Variants in TENM4 observed in about 807,000 individuals in gnomAD.
TENM4 encodes teneurin-4.
Under a neutral mutation model 243.3 loss-of-function variants are expected in TENM4, and 82 were observed. The observed-to-expected ratio is 0.34, with a 90% confidence interval of 0.28 to 0.40. The LOEUF (loss-of-function observed/expected upper bound fraction) is 0.40. Among genes scored for constraint, TENM4 ranks in the 10% least tolerant of loss-of-function variants. The pLI is 1.00. For missense variants in TENM4, 3,138 were observed against 3,673.3 expected (o/e 0.85, Z 3.77); for synonymous variants, 1,412 against 1,456.3 (o/e 0.97, Z 0.69).
intron 28 of TENM4, among the ~76,000 whole-genome samples, chr11:78,689,699 C>G (rs1006279750): frequency 6.6e-6 from 1 of 152,134 alleles, no homozygotes; most frequent in Non-Finnish European, 1.5e-5. Flanking sequence ...CTCAGGAATT[C>G]TCTGCCCAAG....
intron 17 of TENM4, among the ~76,000 whole-genome samples, chr11:78,777,449 T>A (rs1221889078): frequency 9.2e-5 from 14 of 152,198 alleles, no homozygotes; most frequent in Admixed American, 9.2e-4. Context: ...AGCCTTTTCC[T>A]TTACAGTTTC....
At chr11:79,002,798 G>T (rs1858366995) in intron 6 of TENM4, among the ~76,000 whole-genome samples, 1 of 152,120 alleles carries the variant, frequency 6.6e-6, no homozygotes, top group African/African-American at 2.4e-5. Flanking sequence ...TTCTTAACCA[G>T]GCTGAAATGT....
At chr11:78,932,845 T>C (rs967487250) in intron 6 of TENM4, among the ~76,000 whole-genome samples, 30 of 152,220 alleles carry the variant, frequency 2.0e-4, no homozygotes, top group African/African-American at 6.8e-4. Flanking sequence ...CTAATGCCAC[T>C]GCTGATCTGA....
At chr11:78,968,548 A>G (rs1857481510) in intron 6 of TENM4, among the ~76,000 whole-genome samples, 1 of 152,142 alleles carries the variant, frequency 6.6e-6, no homozygotes, top group East Asian at 1.9e-4. Flanking sequence ...TTTTATAGCA[A>G]TGCAAAATGG....
intron 1 of TENM4, among the ~76,000 whole-genome samples, chr11:79,409,438 G>A (rs1858651832): frequency 2.0e-5 from 3 of 152,118 alleles, no homozygotes; most frequent in Admixed American, 6.5e-5. Flanking sequence ...CAGTGGAGAA[G>A]GGTTAAAATG....
chr11:79,219,885 G>T (rs1198283929), intron 2 of TENM4, among the ~76,000 whole-genome samples: 1 of 152,242 alleles, frequency 6.6e-6, no homozygotes, highest in African/African-American at 2.4e-5. Flanking sequence ...AAGGAGATAA[G>T]ATGATGCCTT....
chr11:78,768,837 G>A (rs921376577), intron 18 of TENM4, among the ~76,000 whole-genome samples: 14 of 152,150 alleles, frequency 9.2e-5, no homozygotes, highest in African/African-American at 2.9e-4. Flanking sequence ...TGGGCTTTGG[G>A]CTATGGTATG....
At position 79,095,378 on chromosome 11, in the gene TENM4, C is replaced by T. The variant is rs536827291; in HGVS notation, c.-65-25369G>A. Among the ~76,000 whole-genome samples the T allele has an allele frequency of 4.6e-5, 7 of 152,282 alleles. No individual in the cohort carries two copies. In the East Asian group the frequency reaches 1.2e-3, roughly 25 times the overall value. ...TCCTTGCACAGTACCCCACACTTAG[C>T]GAGTCTTTCTCTACCAACTCCAAAG... On this transcript the variant is annotated intron_variant, in intron 4 of 33. Transcript: ENST00000278550.
At chr11:78,817,144 T>C (rs6592808) in intron 12 of TENM4, among the ~76,000 whole-genome samples, 45,426 of 152,080 alleles carry the variant, frequency 0.3, 7,328 homozygotes, top group Non-Finnish European at 0.37. Context: ...GCAGCTGGAA[T>C]GGGGCAAAAT....
At chr11:79,098,945 G>A (rs540512402) in intron 4 of TENM4, among the ~76,000 whole-genome samples, 19 of 152,204 alleles carry the variant, frequency 1.2e-4, no homozygotes, top group Non-Finnish European at 2.1e-4. Context: ...GGATAGAAAG[G>A]TCTCCCTCAA....
chr11:78,890,368 C>G (rs1855635798), intron 8 of TENM4, among the ~76,000 whole-genome samples: 1 of 152,234 alleles, frequency 6.6e-6, no homozygotes, highest in Non-Finnish European at 1.5e-5. Context: ...GGGGAATAAA[C>G]TTCCTATTCT....
chr11:79,248,983 T>G lies in TENM4; in HGVS notation c.-264-33074A>C, dbSNP rs148749696. Among the ~76,000 whole-genome samples, 967 of 152,338 alleles carry G rather than the reference T, an allele frequency of 6.3e-3. 5 individuals carry two copies. Among genetic ancestry groups the G allele is most frequent in the Non-Finnish European group, 9.8e-3 (668 of 68,026 alleles). On this transcript the variant is annotated intron_variant, in intron 2 of 33. Transcript: ENST00000278550. ...GAAGAATATTTTCTGAATTTCAGCT[T>G]TCCGATGACACTACCTGTGGGATCC...
Position 79,059,604 on chromosome 11 carries a change from T to C in TENM4, c.493+5134A>G, listed in dbSNP as rs189483281. The stretch of plus-strand genomic sequence containing the variant: ...AATTTTTTATCATGTGAAAAATACA[T>C]AACAGTTAATCTTTTTAATCATTTT... On this transcript the variant is annotated intron_variant, in intron 6 of 33. Transcript: ENST00000278550. 2.1e-3 allele frequency among the ~76,000 whole-genome samples: 324 copies of C among 152,352 alleles called. 12 individuals carry two copies. In the South Asian group the frequency reaches 0.06, roughly 28 times the overall value.
At chr11:79,264,241 C>T (rs570333) in intron 2 of TENM4, among the ~76,000 whole-genome samples, 60,356 of 151,984 alleles carry the variant, frequency 0.4, 14,335 homozygotes, top group Non-Finnish European at 0.54. Context: ...CCAAGCTACC[C>T]GGGCTCAACA....
chr11:79,138,109 C>T (rs533024641), intron 4 of TENM4, among the ~76,000 whole-genome samples: 10 of 151,036 alleles, frequency 6.6e-5, no homozygotes, highest in South Asian at 4.2e-4. Context: ...GAATATAAGC[C>T]GGCAGAAAAA....
At chr11:79,347,665 T>C (rs1005372703) in intron 1 of TENM4, among the ~76,000 whole-genome samples, 2 of 152,086 alleles carry the variant, frequency 1.3e-5, no homozygotes, top group Non-Finnish European at 2.9e-5. Context: ...TAGGGACCTA[T>C]GCTTCCTTCA....
At chr11:78,671,882 A>G in intron 31 of TENM4, 151 bp downstream of exon 31, 5 of 1,021,532 alleles carry the variant, frequency 4.9e-6, no homozygotes, top group Non-Finnish European at 7.0e-6. Flanking sequence ...GCCTCTTGGG[A>G]CCCCATGCCC....
chr11:79,061,965 ATTTTTT>A (rs10647135), intron 6 of TENM4, among the ~76,000 whole-genome samples: 2 of 143,290 alleles, frequency 1.4e-5, no homozygotes, highest in African/African-American at 2.6e-5. Context: ...GGTGGCAACT[ATTTTTT>A]TTTTTTTTTT....
At chr11:79,259,242 G>A (rs996466831) in intron 2 of TENM4, among the ~76,000 whole-genome samples, 2 of 152,114 alleles carry the variant, frequency 1.3e-5, no homozygotes, top group African/African-American at 4.8e-5. Flanking sequence ...AATGTAAAGT[G>A]TAAAGTACTG....
Sources: allele counts gnomAD v4.1 joint callset (sites outside exome capture counted in the v4.1 genomes callset), GRCh38; gene constraint gnomAD v4.1.1; transcripts MANE v1.5; gene names NCBI Gene and HGNC (gene_info 2026-07-23, HGNC 2026-07-21).